SCN9A: variants seen among roughly 807,000 people sequenced by gnomAD.
SCN9A encodes sodium channel protein type 9 subunit alpha.
Under a neutral mutation model 187.0 loss-of-function variants are expected in SCN9A, and 131 were observed. The observed-to-expected ratio is 0.70, with a 90% CI of 0.61 to 0.81. The LOEUF (loss-of-function observed/expected upper bound fraction) is 0.81, where lower values mean the gene tolerates loss of function less well. SCN9A is among the 30% of genes least tolerant of loss of function. The pLI, the probability that SCN9A is intolerant of heterozygous loss-of-function variation, is 0.00. For missense variants in SCN9A, 2,252 were observed against 2,396.6 expected (o/e 0.94, Z 1.26); for synonymous variants, 809 against 808.6 (o/e 1.00, Z -0.01).
chr2:166,365,451 C>T (rs570287651), intron 1 of SCN9A, among the ~76,000 whole-genome samples: 1 of 152,140 alleles, frequency 6.6e-6, no homozygotes, highest in African/African-American at 2.4e-5. Context: ...CAAAGTTGTA[C>T]CCATGCTGGT....
At chr2:166,290,947 A>G (rs1265975724) in intron 9 of SCN9A, among the ~76,000 whole-genome samples, 1 of 152,192 alleles carries the variant, frequency 6.6e-6, no homozygotes, top group African/African-American at 2.4e-5. Context: ...AATAAGAGCT[A>G]TTTATGAAAA....
intron 18 of SCN9A, 70 bp downstream of exon 18, chr2:166,251,695 A>G: frequency 1.3e-6 from 2 of 1,546,792 alleles, no homozygotes; most frequent in South Asian, 2.2e-5. Flanking sequence ...TCTGGTAAGT[A>G]TTAGGCGTTA....
chr2:166,328,018 T>C (rs761216742), intron 1 of SCN9A, among the ~76,000 whole-genome samples: 1 of 152,174 alleles, frequency 6.6e-6, no homozygotes, highest in Non-Finnish European at 1.5e-5. Flanking sequence ...CTGGGAACTT[T>C]TAAGAGTATG....
At chr2:166,234,482 T>G (rs1054926109) in intron 20 of SCN9A, among the ~76,000 whole-genome samples, 2 of 152,174 alleles carry the variant, frequency 1.3e-5, no homozygotes, top group African/African-American at 4.8e-5. Context: ...GAAAAAGTCA[T>G]TGTTCACAAA....
At chr2:166,288,307 G>T (rs1697880170) in intron 10 of SCN9A, 130 bp downstream of exon 10, 4 of 640,796 alleles carry the variant, frequency 6.2e-6, no homozygotes, top group Admixed American at 6.4e-5. Context: ...CAGAAATGAG[G>T]ATACAGTTTA....
chr2:166,276,963 A>G lies in SCN9A; in HGVS notation c.2874+20T>C, dbSNP rs200080122. 1.0e-5 allele frequency: 16 copies of G among 1,577,630 alleles called. No individual in the cohort carries two copies. Among genetic ancestry groups the G allele is most frequent in the Non-Finnish European group, 1.4e-5 (16 of 1,157,836 alleles). On this transcript the variant is annotated intron_variant, in intron 16 of 26. Transcript: ENST00000642356. ...AATTTCCACAGAGAAATTAAAATGC[A>G]TGAACATCTGGTTACATACCACCAG...
In SCN9A at chr2:166,227,660, CA is replaced by C; in HGVS notation, c.4260+9del. The C allele has an allele frequency of 6.8e-7, 1 of 1,461,672 alleles. No individual in the cohort carries two copies. Among genetic ancestry groups the C allele is most frequent in the Non-Finnish European group, 9.4e-7 (1 of 1,063,298 alleles). 90.5% of individuals were successfully genotyped at this position (1,461,672 alleles called of 1,614,324 possible). A position where few individuals can be genotyped will look rare whatever the true frequency, so the allele number is the denominator to read the frequency against. On this transcript the variant is annotated intron_variant, in intron 23 of 26. Transcript: ENST00000642356. ...AAATAAAGTTTAGTGCTAAGATAAT[CA>C]ATACTTACATTAACAGAATCCACTG...
At chr2:166,229,320 A>G (rs1694984033) in intron 21 of SCN9A, among the ~76,000 whole-genome samples, 4 of 152,098 alleles carry the variant, frequency 2.6e-5, no homozygotes, top group Admixed American at 6.5e-5. Context: ...TGTTATTGAT[A>G]AGGTAAACTT....
chr2:166,359,612 G>A (rs552242552), intron 1 of SCN9A, among the ~76,000 whole-genome samples: 406 of 151,920 alleles, frequency 2.7e-3, no homozygotes, highest in Non-Finnish European at 4.3e-3. Flanking sequence ...GCTTAATTTG[G>A]TAGATGGCAA....
intron 7 of SCN9A, among the ~76,000 whole-genome samples, chr2:166,297,715 A>C (rs1698379308): frequency 6.6e-6 from 1 of 152,004 alleles, no homozygotes; most frequent in Non-Finnish European, 1.5e-5. Context: ...CTCTGAGTAT[A>C]GTTTAAAAAA....
intron 26 of SCN9A, 83 bp downstream of exon 26, chr2:166,203,872 A>G (rs1213682752): frequency 4.7e-6 from 4 of 855,828 alleles, no homozygotes; most frequent in Non-Finnish European, 7.2e-6. Context: ...ATTTGTGTTC[A>G]AGAATTCAGC....
In SCN9A at chr2:166,197,478, G is replaced by T. The variant is rs1418760580; in HGVS notation, c.*1194C>A. The stretch of plus-strand genomic sequence containing the variant: ...TTACTTCCATAATTTAGGAAAGTAA[G>T]TTGGTGGCAAGAGAGCAAGTTGGCA... On this transcript the variant is annotated 3_prime_UTR_variant, in exon 27 of 27. Transcript: ENST00000642356. 6.6e-6 allele frequency: 1 copy of T among 152,164 alleles called. No homozygotes were observed. Among genetic ancestry groups the T allele is most frequent in the Non-Finnish European group, 1.5e-5 (1 of 68,002 alleles). The allele number at this position is 152,164 out of a possible 1,614,324, so 9.4% of individuals were successfully genotyped here. A position where few individuals can be genotyped will look rare whatever the true frequency, so the allele number is the denominator to read the frequency against.
chr2:166,228,901 C>T lies in SCN9A; in HGVS notation c.3996G>A (p.Trp1332Ter), dbSNP rs1553479210. The change falls in exon 22 of 27, where the codon TGG becomes TGA. Residue 1332 changes from tryptophan to a stop codon, truncating the protein, a stop_gained. Coordinates refer to ENST00000642356, the MANE Select transcript of SCN9A (RefSeq NM_001365536.1). LOFTEE classifies it high-confidence loss of function. ...TTACTCCCATGATGCTGAATATCAG[C>T]CAGAATATAAGACACACAAGTAGCA... ...MNVLLVCLIF[W>*]LIFSIMGVNL... 1 of 1,613,498 alleles carries T rather than the reference C, an allele frequency of 6.2e-7. No individual in the cohort carries two copies. The highest frequency in any genetic ancestry group is 2.2e-5 in the East Asian group (1 of 44,872).
At chr2:166,229,000 A>C (rs967647915) in intron 21 of SCN9A, 28 bp from the exon 22 acceptor site, 1 of 1,580,040 alleles carries the variant, frequency 6.3e-7, no homozygotes, top group Non-Finnish European at 8.7e-7. Flanking sequence ...GAAAAGCATG[A>C]TTAGGATTAG....
chr2:166,252,798 C>T (rs754866732), intron 17 of SCN9A, among the ~76,000 whole-genome samples: 2 of 151,686 alleles, frequency 1.3e-5, no homozygotes, highest in Non-Finnish European at 2.9e-5. Flanking sequence ...GAAATCTTTA[C>T]AAAAAATACA....
At chr2:166,285,480 G>T (rs1697695707) in intron 11 of SCN9A, among the ~76,000 whole-genome samples, 1 of 152,154 alleles carries the variant, frequency 6.6e-6, no homozygotes, top group South Asian at 2.1e-4. Flanking sequence ...GTGAACAATG[G>T]AAAAAGTATG....
At position 166,299,931 on chromosome 2, in the gene SCN9A, C is replaced by T. The variant is rs115253994; in HGVS notation, c.901+3159G>A. ...CAGCCAGAAACTGAGAAGTCATCCT[C>T]AATGCTTCCTGTCTTCTTTAATCCA... On this transcript the variant is annotated intron_variant, in intron 7 of 26. Transcript: ENST00000642356. Among the ~76,000 whole-genome samples the T allele has an allele frequency of 2.4e-3, 366 of 151,000 alleles. 29 individuals are homozygous for T. The highest frequency in any genetic ancestry group is 8.7e-3 in the African/African-American group (353 of 40,346).
At chr2:166,347,444 A>G (rs1699927311) in intron 1 of SCN9A, among the ~76,000 whole-genome samples, 1 of 152,184 alleles carries the variant, frequency 6.6e-6, no homozygotes, top group Admixed American at 6.5e-5. Context: ...GTTTTCATGC[A>G]GAAAATCACC....
chr2:166,374,495 A>C (rs1484336319), intron 1 of SCN9A, among the ~76,000 whole-genome samples: 1 of 152,180 alleles, frequency 6.6e-6, no homozygotes, highest in Non-Finnish European at 1.5e-5. Context: ...AAAAAATCTC[A>C]CCATAATTAT....
Sources: gnomAD v4.1 joint callset for allele counts (sites outside exome capture counted in the v4.1 genomes callset) on GRCh38, gnomAD v4.1.1 for gene constraint, MANE v1.5 for transcripts, NCBI Gene and HGNC (gene_info 2026-07-23, HGNC 2026-07-21) for gene names.